Variants in RIMS1 observed in about 807,000 individuals in gnomAD.
RIMS1 encodes regulating synaptic membrane exocytosis protein 1.
RIMS1 carries 83 observed loss-of-function variants against 214.1 expected under a neutral mutation model. The observed-to-expected ratio is 0.39, with a 90% CI of 0.32 to 0.47. The LOEUF is 0.47. RIMS1 is among the 20% of genes least tolerant of loss of function. The probability of loss-of-function intolerance (pLI) is 0.99; values close to 1 mark genes in which losing one functional copy is unlikely to be tolerated. For missense variants in RIMS1, 2,050 were observed against 2,161.8 expected, an observed-to-expected ratio of 0.95 and a Z score of 1.03; for synonymous variants, 793 against 786.8, an observed-to-expected ratio of 1.01 and a Z score of -0.13.
At chr6:71,988,369 C>T (rs1451903979) in intron 2 of RIMS1, among the ~76,000 whole-genome samples, 2 of 151,968 alleles carry the variant, frequency 1.3e-5, no homozygotes, top group African/African-American at 4.8e-5. Flanking sequence ...CATCCAGTTT[C>T]TGCTTTGCCT....
At chr6:71,952,622 T>C (rs1349200560) in intron 1 of RIMS1, among the ~76,000 whole-genome samples, 3 of 152,158 alleles carry the variant, frequency 2.0e-5, no homozygotes, top group Non-Finnish European at 4.4e-5. Context: ...TTGGGCATCA[T>C]GAGAATATGC....
chr6:72,349,279 G>T (rs2097366914), intron 29 of RIMS1, among the ~76,000 whole-genome samples: 2 of 151,938 alleles, frequency 1.3e-5, no homozygotes, highest in South Asian at 4.1e-4. Context: ...AGTGCCATAG[G>T]ATGTTTTTGT....
At position 72,122,115 on chromosome 6, in the gene RIMS1, C is replaced by CT. The variant is rs771875881; in HGVS notation, c.471+22137dup. On this transcript the variant is annotated intron_variant, in intron 4 of 33. Transcript: ENST00000521978. ...ATCAGGGATATTTGTCTAAAATTCT[C>CT]TTTTTTTTGTTGTGTCTCTGCCAGG... Among the ~76,000 whole-genome samples the CT allele has an allele frequency of 2.5e-4, 37 of 150,300 alleles. No individual in the cohort carries two copies. The East Asian group carries it at 3.9e-3, about 16-fold the overall frequency.
intron 4 of RIMS1, among the ~76,000 whole-genome samples, chr6:72,124,852 G>T (rs1009428581): frequency 1.3e-5 from 2 of 152,072 alleles, no homozygotes; most frequent in African/African-American, 4.8e-5. Flanking sequence ...TCTTCTCTAT[G>T]CTGTTTTTTC....
chr6:72,089,568 C>A (rs916129916), intron 2 of RIMS1, among the ~76,000 whole-genome samples: 1 of 152,058 alleles, frequency 6.6e-6, no homozygotes, highest in African/African-American at 2.4e-5. Flanking sequence ...CCATGTCAGC[C>A]TCCTGAGTAG....
intron 28 of RIMS1, among the ~76,000 whole-genome samples, chr6:72,329,625 A>G (rs2096592187): frequency 6.6e-6 from 1 of 150,538 alleles, no homozygotes; most frequent in South Asian, 2.1e-4. Context: ...TCAAAATTTT[A>G]CACTTCTGTA....
At chr6:71,954,732 C>T (rs1032253635) in intron 1 of RIMS1, among the ~76,000 whole-genome samples, 2 of 150,038 alleles carry the variant, frequency 1.3e-5, no homozygotes, top group Admixed American at 1.3e-4. Context: ...ATATAACTTA[C>T]GTAAAGTAAA....
chr6:72,001,693 T>C (rs1805319560), intron 2 of RIMS1, among the ~76,000 whole-genome samples: 1 of 152,166 alleles, frequency 6.6e-6, no homozygotes, highest in Non-Finnish European at 1.5e-5. Flanking sequence ...CTGATTTTGA[T>C]TGTATATTGT....
intron 19 of RIMS1, chr6:72,263,694 A>G (rs2079049771): frequency 1.0e-6 from 1 of 985,330 alleles, no homozygotes; most frequent in Non-Finnish European, 1.2e-6. Flanking sequence ...TTTCAGTAAA[A>G]TTTGTCCTCA....
At chr6:72,151,258 G>T (rs2043537086) in intron 4 of RIMS1, among the ~76,000 whole-genome samples, 1 of 152,044 alleles carries the variant, frequency 6.6e-6, no homozygotes, top group Non-Finnish European at 1.5e-5. Context: ...TAGCCAGGAT[G>T]GTCTCGATCT....
intron 2 of RIMS1, among the ~76,000 whole-genome samples, chr6:71,977,808 G>A (rs78097316): frequency 0.069 from 10,493 of 152,206 alleles, 448 homozygotes; most frequent in Middle Eastern, 0.11. Context: ...AGTAGAAAGA[G>A]GGCAATGGCT....
intron 1 of RIMS1, among the ~76,000 whole-genome samples, chr6:71,893,704 T>A (rs1445253985): frequency 6.6e-6 from 1 of 152,244 alleles, no homozygotes; most frequent in African/African-American, 2.4e-5. Flanking sequence ...ACATCGAGTT[T>A]ATATACACTT....
rs116002200 is a variant in RIMS1 at position 72,110,895 on chromosome 6, G to A, written c.471+10909G>A. 4.0e-3 allele frequency among the ~76,000 whole-genome samples: 608 copies of A among 152,270 alleles called. 1 individual carries two copies. Among genetic ancestry groups the A allele is most frequent in the African/African-American group, 0.013 (559 of 41,558 alleles). On this transcript the variant is annotated intron_variant, in intron 4 of 33. Transcript: ENST00000521978. Reference sequence around the variant, plus strand: ...ACATCCCATCAATACCTAGGTTTCAGTTTTTAGTGAAGAGTAAAAGTTGTG... The same window carrying A: ...ACATCCCATCAATACCTAGGTTTCAATTTTTAGTGAAGAGTAAAAGTTGTG...
chr6:72,254,208 T>A (rs1173709769), intron 16 of RIMS1, among the ~76,000 whole-genome samples: 1 of 152,172 alleles, frequency 6.6e-6, no homozygotes, highest in African/African-American at 2.4e-5. Flanking sequence ...AAAATATTGT[T>A]AAATTTATTA....
intron 29 of RIMS1, among the ~76,000 whole-genome samples, chr6:72,358,624 G>A (rs1180510869): frequency 6.6e-6 from 1 of 152,092 alleles, no homozygotes; most frequent in Non-Finnish European, 1.5e-5. Context: ...GTTTGTCAAG[G>A]AAAAGCATGG....
At chr6:72,260,668 T>C in intron 18 of RIMS1, 37 bp from the exon 19 acceptor site, 2 of 1,608,774 alleles carry the variant, frequency 1.2e-6, no homozygotes, top group Non-Finnish European at 8.5e-7. Context: ...GTCTCATAAT[T>C]TATCTGTTTC....
intron 33 of RIMS1, 123 bp downstream of exon 33, chr6:72,399,217 T>G: frequency 1.5e-6 from 1 of 665,868 alleles, no homozygotes. Context: ...TATTCTTGAG[T>G]AGACAAAATT....
At chr6:72,290,963 CATAACTTT>C in intron 25 of RIMS1, 102 bp downstream of exon 25, 1 of 1,018,710 alleles carries the variant, frequency 9.8e-7, no homozygotes, top group South Asian at 1.6e-5. Flanking sequence ...ATTTTGACAC[CATAACTTT>C]TAATCCTTTC....
At chr6:72,387,957 C>G (rs183578354) in intron 29 of RIMS1, among the ~76,000 whole-genome samples, 114 of 152,206 alleles carry the variant, frequency 7.5e-4, no homozygotes, top group South Asian at 3.1e-3. Flanking sequence ...AAATATATAC[C>G]TGTTTGTGTT....
Sources: allele counts gnomAD v4.1 joint callset (sites outside exome capture counted in the v4.1 genomes callset), GRCh38; gene constraint gnomAD v4.1.1; transcripts MANE v1.5; gene names NCBI Gene and HGNC (gene_info 2026-07-23, HGNC 2026-07-21).